The following DACT3 variants were observed in gnomAD, a reference collection of about 807,000 sequenced individuals.
The protein encoded by DACT3 is dishevelled binding antagonist of beta catenin 3.
In DACT3, 5 loss-of-function variants were observed where a neutral mutation model predicts 19.6. The ratio of observed to expected loss-of-function variants is 0.26; its 90% CI spans 0.13 to 0.54. The LOEUF (loss-of-function observed/expected upper bound fraction) is 0.54, where lower values mean the gene tolerates loss of function less well. Ranked by LOEUF, DACT3 falls within the 20% of genes least tolerant of loss-of-function variation. DACT3 has a pLI of 0.95. For synonymous variants in DACT3, 454 were observed against 428.1 expected (o/e 1.06, Z -0.75); for missense variants, 908 against 927.4 (o/e 0.98, Z 0.27).
In DACT3 at chr19:46,649,385, C is replaced by G. The variant is rs1265725013; in HGVS notation, c.987G>C (p.Glu329Asp). Residue 329 changes from glutamate to aspartate, a missense_variant, in exon 4 of 4, where the codon GAG (glutamate) becomes GAC (aspartate). Transcript: ENST00000391916. ...ALSRAWASSW[E>D]SEAAPEPAAP... ...CAGCGGGCTCGGGTGCCGCCTCCGA[C>G]TCCCACGACGACGCCCAGGCGCGGC... 7 of 1,283,472 alleles carry G rather than the reference C, an allele frequency of 5.5e-6. No individual in the cohort carries two copies. The highest frequency in any genetic ancestry group is 7.0e-6 in the Non-Finnish European group (7 of 1,007,128). 79.5% of individuals were successfully genotyped at this position (1,283,472 alleles called of 1,614,324 possible).
chr19:46,659,618 C>T (rs2053059445), intron 1 of DACT3: 1 of 185,486 alleles, frequency 5.4e-6, no homozygotes, highest in Non-Finnish European at 1.0e-5. Context: ...AGGGGCCGGG[C>T]GTGCAGCCCC....
chr19:46,649,646 C>T lies in DACT3; in HGVS notation c.726G>A (p.Ala242=), dbSNP rs1231129814. 7.0e-6 allele frequency: 8 copies of T among 1,150,938 alleles called. No homozygotes were observed. Among genetic ancestry groups the T allele is most frequent in the Non-Finnish European group, 8.5e-6 (8 of 938,158 alleles). The allele number at this position is 1,150,938 out of a possible 1,614,324, so 71.3% of individuals were successfully genotyped here. A position where few individuals can be genotyped will look rare whatever the true frequency, so the allele number is the denominator to read the frequency against. Residue 242 remains alanine, a synonymous_variant, in exon 4 of 4, where the codon GCG becomes GCA. Coordinates refer to ENST00000391916, the MANE Select transcript of DACT3 (RefSeq NM_145056.3). ...CGRPPTDSPD[A]GGAGRPLDGY... ...CGTCCAGGGGCCGCCCTGCGCCCCC[C>T]GCGTCGGGCGAGTCGGTGGGAGGGC...
chr19:46,655,399 G>A (rs2053025426), intron 1 of DACT3, among the ~76,000 whole-genome samples: 1 of 152,098 alleles, frequency 6.6e-6, no homozygotes, highest in Non-Finnish European at 1.5e-5. Context: ...GATCACTTGA[G>A]GTCAGGAGTT....
At chr19:46,655,554 A>G (rs1313469105) in intron 1 of DACT3, among the ~76,000 whole-genome samples, 1 of 152,204 alleles carries the variant, frequency 6.6e-6, no homozygotes, top group Non-Finnish European at 1.5e-5. Context: ...CGGAGGTTGC[A>G]GTGAGCCGAG....
intron 1 of DACT3, among the ~76,000 whole-genome samples, chr19:46,658,682 C>T (rs2053050350): frequency 1.3e-5 from 2 of 152,248 alleles, no homozygotes; most frequent in Non-Finnish European, 2.9e-5. Context: ...TGCCTCCTCA[C>T]GGTGCCCCTC....
intron 1 of DACT3, chr19:46,659,238 G>C (rs1009355474): frequency 8.9e-5 from 88 of 985,248 alleles, no homozygotes; most frequent in Non-Finnish European, 1.0e-4. Context: ...CTAGAGACTG[G>C]GGGGTGGGGG....
chr19:46,653,544 T>TTTATTTA (rs2053007268), intron 1 of DACT3, among the ~76,000 whole-genome samples: 1 of 148,568 alleles, frequency 6.7e-6, no homozygotes, highest in African/African-American at 2.5e-5. Flanking sequence ...TTTATTTTTA[T>TTTATTTA]TTATTTATTT....
At chr19:46,654,565 T>C (rs1240174161) in intron 1 of DACT3, 25 of 985,074 alleles carry the variant, frequency 2.5e-5, no homozygotes, top group Non-Finnish European at 2.9e-5. Context: ...AGAGCACTTC[T>C]CACGGATGGG....
chr19:46,661,085 G>A lies in DACT3; in HGVS notation c.-21C>T. 1 of 1,403,148 alleles carries A rather than the reference G, an allele frequency of 7.1e-7. No homozygotes were observed. Among genetic ancestry groups the A allele is most frequent in the Non-Finnish European group, 9.2e-7 (1 of 1,086,280 alleles). The allele number at this position is 1,403,148 out of a possible 1,614,324, so 86.9% of individuals were successfully genotyped here. ...ATCATGGCTGCGGCCCCCCGCCCCAGCCCGGCCGGGCCCCGCGGCCACCCC... is the reference window on the plus strand; with the variant it reads ...ATCATGGCTGCGGCCCCCCGCCCCAACCCGGCCGGGCCCCGCGGCCACCCC... On this transcript the variant is annotated 5_prime_UTR_variant, in exon 1 of 4. Transcript: ENST00000391916.
chr19:46,649,478 G>C lies in DACT3; in HGVS notation c.894C>G (p.Ser298Arg). 1 of 1,148,016 alleles carries C rather than the reference G, an allele frequency of 8.7e-7. No individual in the cohort carries two copies. The highest frequency in any genetic ancestry group is 1.1e-6 in the Non-Finnish European group (1 of 936,294). 71.1% of individuals were successfully genotyped at this position (1,148,016 alleles called of 1,614,324 possible). ...RPPDASPSPG[S>R]ARPAREPSLE... Reference sequence around the variant, plus strand: ...ACGAGGGCTCCCGCGCGGGTCGCGCGCTGCCGGGGGACGGAGACGCGTCGG... The same window carrying C: ...ACGAGGGCTCCCGCGCGGGTCGCGCCCTGCCGGGGGACGGAGACGCGTCGG... The change falls in exon 4 of 4, where the codon AGC becomes AGG. Residue 298 changes from serine to arginine, a missense_variant. Around this residue, in one of 2 missense-constraint regions of DACT3, gnomAD observed 656 missense variants for 601.8 expected, o/e 1.09. Transcript: ENST00000391916.
At chr19:46,653,221 C>A in intron 1 of DACT3, 146 bp from the exon 2 acceptor site, 1 of 1,243,810 alleles carries the variant, frequency 8.0e-7, no homozygotes, top group Non-Finnish European at 1.1e-6. Context: ...AGTCCCAGGA[C>A]CCCCTCAAGA....
At chr19:46,656,607 C>G (rs1467935216) in intron 1 of DACT3, among the ~76,000 whole-genome samples, 1 of 152,198 alleles carries the variant, frequency 6.6e-6, no homozygotes, top group Non-Finnish European at 1.5e-5. Context: ...GCCTCGGTCT[C>G]TTAAAGTGCT....
chr19:46,657,266 T>C (rs1265827094), intron 1 of DACT3, among the ~76,000 whole-genome samples: 1 of 151,748 alleles, frequency 6.6e-6, no homozygotes, highest in Admixed American at 6.6e-5. Flanking sequence ...TTTACCTCTC[T>C]GGGCTTCAGT....
At chr19:46,655,931 A>C (rs148768935) in intron 1 of DACT3, among the ~76,000 whole-genome samples, 24,633 of 122,060 alleles carry the variant, frequency 0.2, 2,214 homozygotes, top group African/African-American at 0.28. Flanking sequence ...CTCTCTATAT[A>C]TATATATATA....
Position 46,648,448 on chromosome 19 carries a change from G to T in DACT3, c.*34C>A. On this transcript the variant is annotated 3_prime_UTR_variant, in exon 4 of 4. Coordinates refer to ENST00000391916, the MANE Select transcript of DACT3 (RefSeq NM_145056.3). This position sits in a 1 kb window ranked among gnomAD's most constrained non-coding sequence, Gnocchi z 5.1. Reference sequence around the variant, plus strand: ...TGGTTGGGAGTGTGGAGGTGCAGAGGCCATGAAGGGGGAGCCCAAGCAAAT... The same window carrying T: ...TGGTTGGGAGTGTGGAGGTGCAGAGTCCATGAAGGGGGAGCCCAAGCAAAT... 6.2e-7 allele frequency: 1 copy of T among 1,613,644 alleles called. No individual in the cohort carries two copies. Among genetic ancestry groups the T allele is most frequent in the Non-Finnish European group, 8.5e-7 (1 of 1,179,742 alleles).
intron 3 of DACT3, chr19:46,651,281 C>T (rs2052982033): frequency 6.6e-6 from 1 of 151,928 alleles, no homozygotes; most frequent in African/African-American, 2.4e-5. Flanking sequence ...CGGGGTTTCA[C>T]CATGTTGGTC....
intron 3 of DACT3, 135 bp downstream of exon 3, chr19:46,652,525 A>C: frequency 1.0e-6 from 1 of 962,514 alleles, no homozygotes; most frequent in Non-Finnish European, 1.5e-6. Flanking sequence ...GAAATAAGAG[A>C]CCTGCTCATA....
chr19:46,652,455 A>G, intron 3 of DACT3: 1 of 611,918 alleles, frequency 1.6e-6, no homozygotes. Context: ...CTGGGATTAC[A>G]GGCGTGAGCC....
At position 46,649,764 on chromosome 19, in the gene DACT3, C is replaced by G; in HGVS notation, c.608G>C (p.Cys203Ser). 7.7e-7 allele frequency: 1 copy of G among 1,306,418 alleles called. No homozygotes were observed. Among genetic ancestry groups the G allele is most frequent in the South Asian group, 2.1e-5 (1 of 48,040 alleles). 80.9% of individuals were successfully genotyped at this position (1,306,418 alleles called of 1,614,324 possible). The change falls in exon 4 of 4, where the codon TGC becomes TCC. Residue 203 changes from cysteine (C) to serine (S), a missense_variant. Cys to Ser is a moderately radical substitution (Grantham distance 112, BLOSUM62 -1). Transcript: ENST00000391916. ...GCGGGCCCGCCGCTCCGCCGAGGAG[C>G]AGGCCTCCGGGCCGGCGGACCCCCC... ...TAGGSAGPEA[C>S]SSAERRARAG...
Sources: allele counts gnomAD v4.1 joint callset (sites outside exome capture counted in the v4.1 genomes callset), GRCh38; gene constraint gnomAD v4.1.1; regional missense constraint gnomAD v4.1.1; non-coding constraint Gnocchi (gnomAD v3.1); transcripts MANE v1.5; gene names NCBI Gene and HGNC (gene_info 2026-07-23, HGNC 2026-07-21).